Variants in PIAS4 observed in about 807,000 individuals in gnomAD.
PIAS4 encodes the protein protein inhibitor of activated STAT 4, also known as E3 SUMO-protein ligase PIAS4.
In PIAS4, 7 loss-of-function variants were observed where a neutral mutation model predicts 58.0. That is an observed-to-expected ratio of 0.12 (90% CI 0.07 to 0.23). The LOEUF is 0.23. Ranked by LOEUF, PIAS4 falls within the 10% of genes least tolerant of loss-of-function variation. The pLI, the probability that PIAS4 is intolerant of heterozygous loss-of-function variation, is 1.00. For missense variants in PIAS4, 550 were observed against 709.5 expected (o/e 0.78, Z 2.55); for synonymous variants, 364 against 312.4 (o/e 1.17, Z -1.74).
Position 4,028,104 on chromosome 19 carries a change from C to T in PIAS4, c.540-42C>T, listed in dbSNP as rs766303153. On this transcript the variant is annotated intron_variant, in intron 3 of 10. Coordinates refer to ENST00000262971, the MANE Select transcript of PIAS4 (RefSeq NM_015897.4). ...GGGCTGGGGTCACGCCCTCCTCACTCAGCTCTCCTTTCCTTTCCTCTGGTT... is the reference window on the plus strand; with the variant it reads ...GGGCTGGGGTCACGCCCTCCTCACTTAGCTCTCCTTTCCTTTCCTCTGGTT... The T allele has an allele frequency of 2.6e-5, 42 of 1,605,462 alleles. 1 individual carries two copies. The Admixed American group carries it at 3.2e-4, about 12-fold the overall frequency.
rs1568221764 is a variant in PIAS4, at chr19:4,035,959, A to ATC, written c.1143-1415_1143-1414insTC. 3.7e-3 allele frequency among the ~76,000 whole-genome samples: 29 copies of ATC among 7,912 alleles called. 5 individuals carry two copies. Among genetic ancestry groups the ATC allele is most frequent in the African/African-American group, 7.4e-3 (11 of 1,496 alleles). 5.2% of individuals were successfully genotyped at this position (7,912 alleles called of 152,430 possible). ...CCATACAGTCCACACCATAACACAC[A>ATC]CATACAGTCCACACCGTCATACACA... is the stretch of plus-strand genomic sequence containing the variant. On this transcript the variant is annotated intron_variant, in intron 9 of 10. Coordinates refer to ENST00000262971, the MANE Select transcript of PIAS4 (RefSeq NM_015897.4).
chr19:4,020,534 C>T (rs2040098976), intron 2 of PIAS4, among the ~76,000 whole-genome samples: 1 of 152,244 alleles, frequency 6.6e-6, no homozygotes, highest in Non-Finnish European at 1.5e-5. Flanking sequence ...CACTTATAAA[C>T]AAATAGGTGT....
At position 4,028,555 on chromosome 19, in the gene PIAS4, G is replaced by A. The variant is rs147751353; in HGVS notation, c.627G>A (p.Pro209=). 2.0e-3 allele frequency: 3,163 copies of A among 1,612,932 alleles called. 5 individuals are homozygous for A. The highest frequency in any genetic ancestry group is 3.6e-3 in the Middle Eastern group (22 of 6,060). The change falls in exon 5 of 11, where the codon CCG becomes CCA. Residue 209 remains proline (P), a synonymous_variant. Coordinates refer to ENST00000262971, the MANE Select transcript of PIAS4 (RefSeq NM_015897.4). ...GCTGCCCTCAGGAGGACCAGTACCCGCCCAACATCGCTGTGAAGGTCAACC... is the reference window on the plus strand; with the variant it reads ...GCTGCCCTCAGGAGGACCAGTACCCACCCAACATCGCTGTGAAGGTCAACC... The part of the protein sequence containing the change: ...DTSCPQEDQY[P]PNIAVKVNHS...
chr19:4,037,857 C>T lies in PIAS4; in HGVS notation c.1515C>T (p.Gly505=). Residue 505 remains glycine, a synonymous_variant, in exon 11 of 11, where the codon GGC becomes GGT. Coordinates refer to ENST00000262971, the MANE Select transcript of PIAS4 (RefSeq NM_015897.4). The surrounding 1 kb of genome is among the most constrained non-coding windows in gnomAD (Gnocchi z 5.8). ...RPKRRCPFQK[G]LVPAC is the part of the protein sequence containing the mutation. ...AGCGCCGCTGCCCCTTCCAGAAGGG[C>T]CTGGTGCCGGCCTGCTGACCCCGGC... 11 of 1,566,272 alleles carry T rather than the reference C, an allele frequency of 7.0e-6. No individual in the cohort carries two copies. The highest frequency in any genetic ancestry group is 8.6e-6 in the Non-Finnish European group (10 of 1,158,832).
chr19:4,015,883 C>T (rs1190300925), intron 2 of PIAS4, among the ~76,000 whole-genome samples: 1 of 152,234 alleles, frequency 6.6e-6, no homozygotes, highest in Admixed American at 6.5e-5. Context: ...TCACGCGGTG[C>T]GGAATGCTGG....
intron 3 of PIAS4, among the ~76,000 whole-genome samples, chr19:4,024,626 T>G (rs1265215795): frequency 6.6e-6 from 1 of 152,110 alleles, no homozygotes; most frequent in African/African-American, 2.4e-5. Flanking sequence ...CTGCATACAT[T>G]GAAATCCACA....
At chr19:4,033,058 G>A (rs565676977) in intron 7 of PIAS4, 42 bp from the exon 8 acceptor site, 1 of 1,555,062 alleles carries the variant, frequency 6.4e-7, no homozygotes, top group Non-Finnish European at 8.8e-7. Context: ...GCGCCCTGCT[G>A]TTCCCACCCT....
At chr19:4,024,956 G>A (rs915379563) in intron 3 of PIAS4, among the ~76,000 whole-genome samples, 3 of 152,274 alleles carry the variant, frequency 2.0e-5, no homozygotes, top group African/African-American at 7.2e-5. Context: ...GTAGAGATAG[G>A]GTTTTGCCAT....
chr19:4,008,816 C>G (rs1361342639), intron 1 of PIAS4, among the ~76,000 whole-genome samples: 2 of 152,040 alleles, frequency 1.3e-5, no homozygotes, highest in Non-Finnish European at 2.9e-5. Context: ...TTTATGCACC[C>G]CAACTTTGGT....
At chr19:4,008,003 G>T (rs1431304363) in intron 1 of PIAS4, among the ~76,000 whole-genome samples, 1 of 151,658 alleles carries the variant, frequency 6.6e-6, no homozygotes, top group African/African-American at 2.4e-5. Context: ...AGGTCTTCGC[G>T]CCGGGGGTCG....
At chr19:4,017,755 C>CT (rs1030732004) in intron 2 of PIAS4, 58 of 142,050 alleles carry the variant, frequency 4.1e-4, no homozygotes, top group African/African-American at 1.3e-3. Context: ...TCTTGGCTTA[C>CT]TACAGCCTCC....
chr19:4,032,312 G>A (rs558366499), intron 7 of PIAS4, among the ~76,000 whole-genome samples: 2 of 152,260 alleles, frequency 1.3e-5, no homozygotes, highest in South Asian at 2.1e-4. Flanking sequence ...GGGCCAGGTG[G>A]TGGATGGAGA....
intron 3 of PIAS4, among the ~76,000 whole-genome samples, chr19:4,025,876 A>G (rs1006346377): frequency 5.9e-5 from 9 of 151,928 alleles, no homozygotes; most frequent in African/African-American, 2.2e-4. Context: ...GATCGAGACC[A>G]TCTTGGCTAA....
At chr19:4,028,216 G>A in intron 4 of PIAS4, 29 bp downstream of exon 4, 1 of 1,603,388 alleles carries the variant, frequency 6.2e-7, no homozygotes, top group Non-Finnish European at 8.5e-7. Flanking sequence ...GCGACCCCAG[G>A]GCTGGACCCC....
intron 9 of PIAS4, among the ~76,000 whole-genome samples, chr19:4,035,766 C>A (rs112609500): frequency 2.2e-4 from 13 of 59,864 alleles, no homozygotes; most frequent in East Asian, 4.9e-4. Flanking sequence ...ACACACACAC[C>A]CACACACATC....
In PIAS4 at chr19:4,037,657, A is replaced by T. The variant is rs1247480057; in HGVS notation, c.1315A>T (p.Asn439Tyr). 1.2e-6 allele frequency: 2 copies of T among 1,611,870 alleles called. No individual in the cohort carries two copies. The highest frequency in any genetic ancestry group is 1.7e-5 in the Admixed American group (1 of 59,976). ...ANGLLPAPSV[N>Y]GSGALGSTGG... ...TGGGCTCCTGCCCGCCCCCAGCGTCAACGGGAGCGGTGCCCTGGGCAGCAC... is the reference window on the plus strand; with the variant it reads ...TGGGCTCCTGCCCGCCCCCAGCGTCTACGGGAGCGGTGCCCTGGGCAGCAC... Residue 439 changes from asparagine to tyrosine, a missense_variant, in exon 11 of 11, where the codon AAC becomes TAC. Around this residue, in one of 4 missense-constraint regions of PIAS4, gnomAD observed 188 missense variants for 192.0 expected, o/e 0.98. Transcript: ENST00000262971. This position sits in a 1 kb window ranked among gnomAD's most constrained non-coding sequence, Gnocchi z 5.8.
Position 4,013,243 on chromosome 19 carries a change from A to T in PIAS4, c.348A>T (p.Leu116Phe), listed in dbSNP as rs1213343758. Residue 116 changes from leucine to phenylalanine, a missense_variant, in exon 2 of 11, where the codon TTA becomes TTT. Coordinates refer to ENST00000262971, the MANE Select transcript of PIAS4 (RefSeq NM_015897.4). This position sits in a 1 kb window ranked among gnomAD's most constrained non-coding sequence, Gnocchi z 5.1. ...ACCCCGTGCTCTACGGAAAGTACTT[A>T]AACGGACTGGGACGGTTGCCCGCCA... ...IDYPVLYGKY[L>F]NGLGRLPAKT... 1 of 1,613,442 alleles carries T rather than the reference A, an allele frequency of 6.2e-7. No individual in the cohort carries two copies. Among genetic ancestry groups the T allele is most frequent in the Admixed American group, 1.7e-5 (1 of 60,014 alleles).
intron 3 of PIAS4, among the ~76,000 whole-genome samples, chr19:4,027,147 T>C (rs1055627310): frequency 6.6e-6 from 1 of 152,128 alleles, no homozygotes; most frequent in Non-Finnish European, 1.5e-5. Flanking sequence ...CCACTGCACC[T>C]GGCCTAATTT....
rs1479453564 is a variant in PIAS4 at position 4,036,672 on chromosome 19, C to T, written c.1143-702C>T. Among the ~76,000 whole-genome samples the T allele has an allele frequency of 1.1e-3, 162 of 141,976 alleles. 20 individuals carry two copies. The highest frequency in any genetic ancestry group is 4.8e-3 in the African/African-American group (156 of 32,488). 93.1% of individuals were successfully genotyped at this position (141,976 alleles called of 152,430 possible). A position where few individuals can be genotyped will look rare whatever the true frequency, so the allele number is the denominator to read the frequency against. On this transcript the variant is annotated intron_variant, in intron 9 of 10. Coordinates refer to ENST00000262971, the MANE Select transcript of PIAS4 (RefSeq NM_015897.4). The stretch of plus-strand genomic sequence containing the variant: ...GTCATACACACACATCTATACAGTC[C>T]ACACCGTCACACATCCATATAGTCC...
Sources: gnomAD v4.1 joint callset for allele counts (sites outside exome capture counted in the v4.1 genomes callset) on GRCh38, gnomAD v4.1.1 for gene constraint, gnomAD v4.1.1 regional missense constraint, Gnocchi (gnomAD v3.1) non-coding constraint, MANE v1.5 for transcripts, NCBI Gene and HGNC (gene_info 2026-07-23, HGNC 2026-07-21) for gene names.